Variants in ARAP2 observed in about 807,000 individuals in gnomAD.
The protein encoded by ARAP2 is ArfGAP with RhoGAP domain, ankyrin repeat and PH domain 2.
In ARAP2, 148 loss-of-function variants were observed where a neutral mutation model predicts 194.5. That is an observed-to-expected ratio of 0.76 (90% CI 0.67 to 0.87). The LOEUF is 0.87. Ranked by LOEUF, ARAP2 falls within the 40% of genes least tolerant of loss-of-function variation. ARAP2 has a pLI of 0.00. For synonymous variants in ARAP2, 695 were observed against 683.5 expected (o/e 1.02, Z -0.26); for missense variants, 2,128 against 1,989.7 (o/e 1.07, Z -1.32).
intron 17 of ARAP2, 121 bp from the exon 18 acceptor site, chr4:36,147,867 G>A: frequency 1.2e-6 from 1 of 850,752 alleles, no homozygotes; most frequent in Non-Finnish European, 1.8e-6. Flanking sequence ...AGATTCAAAG[G>A]TAACACCAAA....
downstream of ARAP2, among the ~76,000 whole-genome samples, chr4:36,064,198 TTTTC>T (rs1485855180): frequency 1.1e-5 from 1 of 87,514 alleles, no homozygotes; most frequent in South Asian, 5.2e-4. Context: ...TTTTTTGTTT[TTTTC>T]TTTCTTTTTT....
intron 19 of ARAP2, among the ~76,000 whole-genome samples, chr4:36,134,109 T>C (rs1401757618): frequency 6.6e-6 from 1 of 151,730 alleles, no homozygotes; most frequent in Non-Finnish European, 1.5e-5. Context: ...TTTAGACAAG[T>C]CAACCTTATT....
chr4:36,083,132 T>C (rs767206184), intron 29 of ARAP2, among the ~76,000 whole-genome samples: 1 of 152,106 alleles, frequency 6.6e-6, no homozygotes, highest in Admixed American at 6.6e-5. Flanking sequence ...CACAGAGAGA[T>C]TGCAATCACC....
chr4:36,132,701 T>C (rs762212727), intron 20 of ARAP2, among the ~76,000 whole-genome samples: 5 of 151,806 alleles, frequency 3.3e-5, no homozygotes, highest in Non-Finnish European at 5.9e-5. Flanking sequence ...AAACGATTCA[T>C]TGAAATATCT....
chr4:36,114,344 G>T, intron 25 of ARAP2, 57 bp from the exon 26 acceptor site: 1 of 1,058,330 alleles, frequency 9.4e-7, no homozygotes, highest in Non-Finnish European at 1.4e-6. Context: ...GTAGCCTTAT[G>T]CTAGGTCAAT....
At chr4:36,149,858 T>C (rs1730539455) in intron 16 of ARAP2, among the ~76,000 whole-genome samples, 1 of 152,184 alleles carries the variant, frequency 6.6e-6, no homozygotes. Context: ...CAATGTAGTT[T>C]TATGTAAATA....
chr4:36,066,504 G>A lies in ARAP2; in HGVS notation c.*1403C>T, dbSNP rs1353274444. 1 of 151,584 alleles carries A rather than the reference G, an allele frequency of 6.6e-6. No individual in the cohort carries two copies. Among genetic ancestry groups the A allele is most frequent in the Non-Finnish European group, 1.5e-5 (1 of 67,950 alleles). The allele number at this position is 151,584 out of a possible 1,614,324, so 9.4% of individuals were successfully genotyped here. A position where few individuals can be genotyped will look rare whatever the true frequency, so the allele number is the denominator to read the frequency against. Reference sequence around the variant, plus strand: ...TCATAGCATCTACCACCACATCACTGTACTATGATTGGACTGACTGAAGTA... The same window carrying A: ...TCATAGCATCTACCACCACATCACTATACTATGATTGGACTGACTGAAGTA... On this transcript the variant is annotated 3_prime_UTR_variant, in exon 33 of 33. Transcript: ENST00000303965.
intron 21 of ARAP2, among the ~76,000 whole-genome samples, chr4:36,126,387 A>T (rs909729913): frequency 6.6e-6 from 1 of 152,048 alleles, no homozygotes; most frequent in African/African-American, 2.4e-5. Flanking sequence ...ATAAATTGAA[A>T]GTAAAACTCA....
At position 36,187,484 on chromosome 4, in the gene ARAP2, G is replaced by T; in HGVS notation, c.1645C>A (p.Gln549Lys). ...GDNKFEVVTT[Q>K]RTFVFRVEKE... ...TCTACTCTAAAAACAAAAGTTCTTT[G>T]TGTTGTAACAACTTCAAATTTGTTG... The change falls in exon 8 of 33, where the codon CAA (glutamine) becomes AAA (lysine). Residue 549 changes from glutamine to lysine, a missense_variant. Physicochemically the swap from Gln to Lys is moderately conservative, Grantham distance 53 (BLOSUM62 1). Coordinates refer to ENST00000303965, the MANE Select transcript of ARAP2 (RefSeq NM_015230.4). The T allele has an allele frequency of 6.7e-7, 1 of 1,501,268 alleles. No individual in the cohort carries two copies. Among genetic ancestry groups the T allele is most frequent in the Non-Finnish European group, 9.0e-7 (1 of 1,108,088 alleles). The allele number at this position is 1,501,268 out of a possible 1,614,324, so 93.0% of individuals were successfully genotyped here.
At chr4:36,028,201 C>A (rs757143343) in intron 5 of ARAP2, among the ~76,000 whole-genome samples, 1 of 151,976 alleles carries the variant, frequency 6.6e-6, no homozygotes, top group Non-Finnish European at 1.5e-5. Context: ...ATGTATGATT[C>A]ATTAAAAGAA....
chr4:36,042,991 C>T (rs1182214597), intron 5 of ARAP2, among the ~76,000 whole-genome samples: 1 of 151,978 alleles, frequency 6.6e-6, no homozygotes, highest in East Asian at 1.9e-4. Context: ...TACAGGTGCC[C>T]ACTACCATGC....
At chr4:36,078,756 C>T (rs952342607) in intron 31 of ARAP2, among the ~76,000 whole-genome samples, 2 of 152,120 alleles carry the variant, frequency 1.3e-5, no homozygotes, top group African/African-American at 4.8e-5. Flanking sequence ...AGTCTACTGA[C>T]TCCAATTATA....
intron 1 of ARAP2, among the ~76,000 whole-genome samples, chr4:36,241,650 C>T (rs1378560843): frequency 6.6e-6 from 1 of 151,944 alleles, no homozygotes; most frequent in Non-Finnish European, 1.5e-5. Context: ...TCAGTAAGTG[C>T]CAATAAACAA....
chr4:36,243,094 TA>T (rs34480407), intron 1 of ARAP2, among the ~76,000 whole-genome samples: 2,391 of 148,196 alleles, frequency 0.016, 23 homozygotes, highest in African/African-American at 0.035. Flanking sequence ...AAATAAGAGT[TA>T]AAAAAAAAAG....
intron 9 of ARAP2, among the ~76,000 whole-genome samples, chr4:36,007,500 G>A (rs989628543): frequency 1.3e-5 from 2 of 152,148 alleles, no homozygotes; most frequent in Non-Finnish European, 2.9e-5. Context: ...AATTGGAAGA[G>A]GCAAGCAAAG....
chr4:36,019,498 T>C lies in ARAP2; in HGVS notation n.608-212A>G, dbSNP rs1716501248. Among the ~76,000 whole-genome samples the C allele has an allele frequency of 2.0e-5, 3 of 149,118 alleles. No homozygotes were observed. In the South Asian group the frequency reaches 6.2e-4, roughly 31 times the overall value. On this transcript the variant is annotated intron_variant and non_coding_transcript_variant, in intron 5 of 12. Coordinates refer to the ARAP2 transcript ENST00000503225. Reference sequence around the variant, plus strand: ...TTGTGATACTCGCGATGATGGAAGATTGACCTGGAACAATATCGGATACAA... The same window carrying C: ...TTGTGATACTCGCGATGATGGAAGACTGACCTGGAACAATATCGGATACAA...
At chr4:36,018,917 A>G (rs1193083154) in intron 6 of ARAP2, among the ~76,000 whole-genome samples, 1 of 137,546 alleles carries the variant, frequency 7.3e-6, no homozygotes, top group Non-Finnish European at 1.5e-5. Flanking sequence ...AATGTGGATG[A>G]GGTCAACATC....
At chr4:36,199,913 T>C (rs1182661835) in intron 6 of ARAP2, among the ~76,000 whole-genome samples, 1 of 152,212 alleles carries the variant, frequency 6.6e-6, no homozygotes, top group East Asian at 1.9e-4. Context: ...TTTCACAATA[T>C]ATAGGGATAT....
At chr4:36,054,310 T>C (rs1723147617) in intron 2 of ARAP2, among the ~76,000 whole-genome samples, 1 of 152,202 alleles carries the variant, frequency 6.6e-6, no homozygotes, top group Non-Finnish European at 1.5e-5. Flanking sequence ...TTTATAAATA[T>C]ACACCATTGG....
Sources: gnomAD v4.1 joint callset for allele counts (sites outside exome capture counted in the v4.1 genomes callset) on GRCh38, gnomAD v4.1.1 for gene constraint, MANE v1.5 for transcripts, NCBI Gene and HGNC (gene_info 2026-07-23, HGNC 2026-07-21) for gene names.